Variants in UNC13C observed in about 807,000 individuals in gnomAD.
UNC13C encodes protein unc-13 homolog C.
In UNC13C, 174 loss-of-function variants were observed where a neutral mutation model predicts 245.4. That is an observed-to-expected ratio of 0.71 (90% CI 0.63 to 0.80). UNC13C has a LOEUF of 0.80. UNC13C is among the 30% of genes least tolerant of loss of function. The pLI, the probability that UNC13C is intolerant of heterozygous loss-of-function variation, is 0.00. For synonymous variants in UNC13C, 992 were observed against 895.1 expected (o/e 1.11, Z -1.93); for missense variants, 2,829 against 2,602.9 (o/e 1.09, Z -1.89).
chr15:54,014,636 T>G lies in UNC13C; in HGVS notation c.1733T>G (p.Leu578Arg). ...TTCACTAGAACTAATGGAAGCTCTC[T>G]CCTGTCATCTTCGGACCGGGAGCTA... The part of the protein sequence containing the change: ...QFFTRTNGSS[L>R]LSSSDRELWQ... Residue 578 changes from leucine to arginine, a missense_variant, in exon 2 of 33, where the codon CTC becomes CGC. Physicochemically the swap from Leu to Arg is moderately radical, Grantham distance 102. Coordinates refer to ENST00000260323, the MANE Select transcript of UNC13C (RefSeq NM_001080534.3). The G allele has an allele frequency of 1.2e-6, 2 of 1,613,726 alleles. No homozygotes were observed. Among genetic ancestry groups the G allele is most frequent in the Non-Finnish European group, 1.7e-6 (2 of 1,179,798 alleles).
At chr15:53,930,519 A>G in the UNC13C span, among the ~76,000 whole-genome samples, 2 of 152,194 alleles carry the variant, frequency 1.3e-5, no homozygotes, top group East Asian at 3.9e-4. Context: ...TTTCTAGGGC[A>G]GTGGTAAATA....
intron 30 of UNC13C, among the ~76,000 whole-genome samples, chr15:54,604,588 A>T (rs1239850655): frequency 6.6e-6 from 1 of 152,162 alleles, no homozygotes; most frequent in Non-Finnish European, 1.5e-5. Context: ...TGATTCCAGA[A>T]AATAAGAGGC....
the UNC13C span, among the ~76,000 whole-genome samples, chr15:53,942,509 C>T: frequency 5.4e-3 from 812 of 150,708 alleles, 9 homozygotes; most frequent in African/African-American, 0.019. Flanking sequence ...CACTTGTTTA[C>T]CTATGTAAAA....
the UNC13C span, among the ~76,000 whole-genome samples, chr15:53,969,023 A>T: frequency 1.6e-4 from 25 of 152,282 alleles, no homozygotes; most frequent in African/African-American, 5.3e-4. Context: ...TTACTATTAA[A>T]GTATTTGTGT....
chr15:54,031,698 C>T (rs1896365675), intron 2 of UNC13C, among the ~76,000 whole-genome samples: 1 of 152,116 alleles, frequency 6.6e-6, no homozygotes, highest in African/African-American at 2.4e-5. Flanking sequence ...AATGACTTAC[C>T]TGTACAGGTA....
At chr15:54,254,909 G>A (rs1362247182) in intron 8 of UNC13C, among the ~76,000 whole-genome samples, 4 of 152,172 alleles carry the variant, frequency 2.6e-5, no homozygotes, top group East Asian at 3.9e-4. Flanking sequence ...AGAGTTCCCC[G>A]CCATGATAAC....
At chr15:54,607,001 A>G (rs1403030334) in intron 30 of UNC13C, among the ~76,000 whole-genome samples, 1 of 152,190 alleles carries the variant, frequency 6.6e-6, no homozygotes, top group Non-Finnish European at 1.5e-5. Context: ...TAAAGAGACT[A>G]TTTCCTGTGG....
intron 4 of UNC13C, among the ~76,000 whole-genome samples, chr15:54,189,445 T>G (rs1195877706): frequency 6.6e-6 from 1 of 152,112 alleles, no homozygotes; most frequent in Non-Finnish European, 1.5e-5. Flanking sequence ...CTGCTGAATC[T>G]TTTATAGCTA....
chr15:54,064,652 G>A (rs1045001572), intron 2 of UNC13C, among the ~76,000 whole-genome samples: 7 of 152,158 alleles, frequency 4.6e-5, no homozygotes, highest in East Asian at 1.9e-4. Context: ...CCCAGTTTCC[G>A]GTGCTTCTTG....
chr15:54,162,645 C>T (rs958260797), intron 4 of UNC13C, among the ~76,000 whole-genome samples: 4 of 152,184 alleles, frequency 2.6e-5, no homozygotes, highest in Non-Finnish European at 5.9e-5. Flanking sequence ...AGTTCCTTGG[C>T]TATTAGTGAG....
intron 1 of UNC13C, among the ~76,000 whole-genome samples, chr15:53,999,207 T>G (rs1894772505): frequency 6.6e-6 from 1 of 151,946 alleles, no homozygotes; most frequent in Non-Finnish European, 1.5e-5. Flanking sequence ...TCCTCTAGTT[T>G]AAAAATTCCG....
intron 8 of UNC13C, among the ~76,000 whole-genome samples, chr15:54,256,599 A>G (rs1257343229): frequency 6.6e-6 from 1 of 152,192 alleles, no homozygotes; most frequent in Admixed American, 6.5e-5. Context: ...TATCCATGCT[A>G]TAGATGTTAC....
At chr15:54,553,511 T>C (rs1300433676) in intron 28 of UNC13C, among the ~76,000 whole-genome samples, 1 of 140,190 alleles carries the variant, frequency 7.1e-6, no homozygotes, top group Non-Finnish European at 1.5e-5. Context: ...ATATTAAATA[T>C]ATGCTATATA....
intron 31 of UNC13C, among the ~76,000 whole-genome samples, chr15:54,622,905 G>A (rs1211215587): frequency 4.6e-5 from 7 of 152,078 alleles, no homozygotes; most frequent in South Asian, 2.1e-4. Context: ...CAATACGCTC[G>A]TTCTATTTTT....
intron 1 of UNC13C, among the ~76,000 whole-genome samples, chr15:53,989,748 A>G (rs987538877): frequency 7.9e-5 from 12 of 152,114 alleles, no homozygotes; most frequent in African/African-American, 1.2e-4. Flanking sequence ...GAAAGTATGA[A>G]CTTATTTATA....
chr15:54,491,448 A>T (rs1893699563), intron 19 of UNC13C, among the ~76,000 whole-genome samples: 1 of 152,234 alleles, frequency 6.6e-6, no homozygotes, highest in Non-Finnish European at 1.5e-5. Flanking sequence ...TGCAAAAGTT[A>T]AAATGTAATT....
At chr15:53,839,692 C>A in the UNC13C span, among the ~76,000 whole-genome samples, 1 of 151,998 alleles carries the variant, frequency 6.6e-6, no homozygotes, top group Non-Finnish European at 1.5e-5. Context: ...GGGCTTATTT[C>A]TAACATCTTA....
At chr15:54,092,281 C>A (rs1899615922) in intron 2 of UNC13C, among the ~76,000 whole-genome samples, 1 of 152,052 alleles carries the variant, frequency 6.6e-6, no homozygotes, top group Non-Finnish European at 1.5e-5. Flanking sequence ...TTACTGTGAG[C>A]TTCCATAATC....
intron 4 of UNC13C, among the ~76,000 whole-genome samples, chr15:54,212,064 A>G (rs2034896742): frequency 6.6e-6 from 1 of 152,130 alleles, no homozygotes; most frequent in African/African-American, 2.4e-5. Context: ...AGTTATGAAC[A>G]CTAACATATT....
Sources: gnomAD v4.1 joint callset for allele counts (sites outside exome capture counted in the v4.1 genomes callset) on GRCh38, gnomAD v4.1.1 for gene constraint, MANE v1.5 for transcripts, NCBI Gene and HGNC (gene_info 2026-07-23, HGNC 2026-07-21) for gene names.